The following DDX56 variants were observed in gnomAD, a reference collection of about 807,000 sequenced individuals.
DDX56 encodes probable ATP-dependent RNA helicase DDX56.
Under a neutral mutation model 61.5 loss-of-function variants are expected in DDX56, and 45 were observed. The observed-to-expected ratio is 0.73, with a 90% CI of 0.58 to 0.94. The LOEUF is 0.94. DDX56 is among the 40% of genes least tolerant of loss of function. The pLI is 0.00. For synonymous variants in DDX56, 273 were observed against 268.3 expected (o/e 1.02, Z -0.17); for missense variants, 708 against 690.7 (o/e 1.02, Z -0.28).
chr7:44,566,416 C>T, intron 13 of DDX56, 32 bp downstream of exon 13: 1 of 1,524,024 alleles, frequency 6.6e-7, no homozygotes, highest in Non-Finnish European at 8.9e-7. Context: ...GGGAGGAGTC[C>T]TGGGGCTGTC....
Position 44,570,836 on chromosome 7 carries a change from C to G in DDX56, c.932G>C (p.Cys311Ser), listed in dbSNP as rs1203702318. 1 of 1,613,952 alleles carries G rather than the reference C, an allele frequency of 6.2e-7. No individual in the cohort carries two copies. The highest frequency in any genetic ancestry group is 1.3e-5 in the African/African-American group (1 of 74,946). ...GACTTCAGCATCAGTTGCTATGACA[C>G]AGTCGTAGAAGCCTTGGTTGAACTG... ...ISQFNQGFYD[C>S]VIATDAEVLG... The change falls in exon 7 of 14, where the codon TGT becomes TCT. Residue 311 changes from cysteine (C) to serine (S), a missense_variant. By Grantham distance (112) the Cys-to-Ser change is moderately radical (BLOSUM62 -1). Coordinates refer to ENST00000258772, the MANE Select transcript of DDX56 (RefSeq NM_019082.4).
chr7:44,569,194 C>T lies in DDX56; in HGVS notation c.1229G>A (p.Gly410Asp). ...IEELLSGENRGPILLPYQFRM... is the reference protein window; with the variant it reads ...IEELLSGENRDPILLPYQFRM... ...GAACTGGTAGGGGAGCAGAATGGGG[C>T]CCCTGTTCTCTGTGGAGAAGAAAGC... Residue 410 changes from glycine (G) to aspartate (D), a missense_variant, in exon 10 of 14, where the codon GGC becomes GAC. Transcript: ENST00000258772. 2.5e-6 allele frequency: 4 copies of T among 1,613,852 alleles called. No homozygotes were observed. Among genetic ancestry groups the T allele is most frequent in the South Asian group, 1.1e-5 (1 of 91,074 alleles).
At chr7:44,567,984 G>A (rs376827494) in intron 12 of DDX56, 134 bp downstream of exon 12, 21 of 724,134 alleles carry the variant, frequency 2.9e-5, no homozygotes, top group Admixed American at 1.6e-4. Context: ...TTACATGCCC[G>A]CGTGCTGCCA....
chr7:44,566,784 G>T (rs910385141), intron 12 of DDX56, among the ~76,000 whole-genome samples: 7 of 152,104 alleles, frequency 4.6e-5, no homozygotes, highest in African/African-American at 1.7e-4. Flanking sequence ...CTTAAAGAAA[G>T]AAAATGCAGC....
Position 44,573,655 on chromosome 7 carries a change from C to T in DDX56, c.150G>A (p.Arg50=). ...LALEGKDLLA[R]ARTGSGKTAA... ...CCGTCTTCCCGGAGCCCGTGCGGGC[C>T]CGAGCCAGGAGGTCCTTCCCTTCTA... The change falls in exon 2 of 14, where the codon CGG becomes CGA. Residue 50 remains arginine, a synonymous_variant. Coordinates refer to ENST00000258772, the MANE Select transcript of DDX56 (RefSeq NM_019082.4). 6.2e-7 allele frequency: 1 copy of T among 1,613,772 alleles called. No homozygotes were observed. The highest frequency in any genetic ancestry group is 8.5e-7 in the Non-Finnish European group (1 of 1,180,036).
chr7:44,572,705 G>T lies in DDX56; in HGVS notation c.423C>A (p.Thr141=). The stretch of plus-strand genomic sequence containing the variant: ...GCAAGTGGCTTAATATGCGAGATGG[G>T]GTCCCTACTACCACATCTGGCTTCT... The part of the protein sequence containing the change: ...LMEKPDVVVG[T]PSRILSHLQQ... The change falls in exon 4 of 14, where the codon ACC becomes ACA. Residue 141 remains threonine (T), a synonymous_variant. Transcript: ENST00000258772. 6.2e-7 allele frequency: 1 copy of T among 1,614,160 alleles called. No individual in the cohort carries two copies. The highest frequency in any genetic ancestry group is 8.5e-7 in the Non-Finnish European group (1 of 1,180,020).
chr7:44,567,969 C>A, intron 12 of DDX56, 149 bp downstream of exon 12: 2 of 682,548 alleles, frequency 2.9e-6, no homozygotes, highest in Non-Finnish European at 5.3e-6. Context: ...CAGGGGTGTG[C>A]CTGTTTACAT....
rs565905541 is a variant in DDX56 at position 44,565,937 on chromosome 7, C to T, written c.*65G>A. The T allele has an allele frequency of 7.7e-7, 1 of 1,292,166 alleles. No homozygotes were observed. The highest frequency in any genetic ancestry group is 1.4e-5 in the African/African-American group (1 of 69,018). 80.0% of individuals were successfully genotyped at this position (1,292,166 alleles called of 1,614,324 possible). ...CTGTGCAGTAAGCACCAGAGCCTCG[C>T]CTGTCCACGAAGGGTGTAAGCCTGT... On this transcript the variant is annotated 3_prime_UTR_variant, in exon 14 of 14. Transcript: ENST00000258772.
Position 44,565,985 on chromosome 7 carries a change from A to G in DDX56, c.*17T>C, listed in dbSNP as rs747518370. 6.3e-7 allele frequency: 1 copy of G among 1,598,086 alleles called. No homozygotes were observed. Among genetic ancestry groups the G allele is most frequent in the East Asian group, 2.2e-5 (1 of 44,788 alleles). ...TGTGCTCCACAATGTGCTCAGCTCC[A>G]GAGAGGCCCAACAACCTCAGGAGGG... On this transcript the variant is annotated 3_prime_UTR_variant, in exon 14 of 14. Coordinates refer to ENST00000258772, the MANE Select transcript of DDX56 (RefSeq NM_019082.4).
intron 12 of DDX56, among the ~76,000 whole-genome samples, chr7:44,567,370 C>A (rs1180350908): frequency 6.6e-6 from 1 of 152,208 alleles, no homozygotes; most frequent in African/African-American, 2.4e-5. Context: ...AAGGGTCCTG[C>A]ACTTGCTGCC....
chr7:44,573,512 CA>C, intron 2 of DDX56, 70 bp downstream of exon 2: 1 of 1,570,164 alleles, frequency 6.4e-7, no homozygotes. Context: ...AAACCTCAGA[CA>C]AACGGGAACC....
At position 44,569,142 on chromosome 7, in the gene DDX56, G is replaced by A; in HGVS notation, c.1281C>T (p.Arg427=). 6.2e-7 allele frequency: 1 copy of A among 1,614,144 alleles called. No homozygotes were observed. Among genetic ancestry groups the A allele is most frequent in the South Asian group, 1.1e-5 (1 of 91,086 alleles). The change falls in exon 10 of 14, where the codon CGC becomes CGT. Residue 427 remains arginine, a synonymous_variant. Coordinates refer to ENST00000258772, the MANE Select transcript of DDX56 (RefSeq NM_019082.4). The part of the protein sequence containing the change: ...QFRMEEIEGF[R]YRCRDAMRSV... Reference sequence around the variant, plus strand: ...CACAGCAGCTCACCCTGCAGCGATAGCGGAAGCCCTCGATCTCCTCCATCC... The same window carrying A: ...CACAGCAGCTCACCCTGCAGCGATAACGGAAGCCCTCGATCTCCTCCATCC...
chr7:44,568,019 G>T, intron 12 of DDX56, 99 bp downstream of exon 12: 2 of 941,930 alleles, frequency 2.1e-6, no homozygotes, highest in Non-Finnish European at 1.7e-6. Flanking sequence ...TATTCTGCCT[G>T]AGCATCCCCA....
chr7:44,569,011 G>A lies in DDX56; in HGVS notation c.1294-19C>T. ...TGGCATCCTGGGGGTGGACACTGAA[G>A]GTCAAGACAGTGAGGCTGCCCCAAA... On this transcript the variant is annotated intron_variant, in intron 10 of 13. Transcript: ENST00000258772. 1 of 1,613,610 alleles carries A rather than the reference G, an allele frequency of 6.2e-7. No homozygotes were observed. Among genetic ancestry groups the A allele is most frequent in the Non-Finnish European group, 8.5e-7 (1 of 1,179,712 alleles).
At chr7:44,571,874 C>T in intron 5 of DDX56, 138 bp from the exon 6 acceptor site, 7 of 1,161,646 alleles carry the variant, frequency 6.0e-6, no homozygotes, top group South Asian at 1.5e-5. Flanking sequence ...TAACTCTCCT[C>T]CAGTTTTGTA....
Position 44,565,956 on chromosome 7 carries a change from A to T in DDX56, c.*46T>A, listed in dbSNP as rs1489887596. On this transcript the variant is annotated 3_prime_UTR_variant, in exon 14 of 14. Transcript: ENST00000258772. ...GCCTCGCCTGTCCACGAAGGGTGTA[A>T]GCCTGTGCTCCACAATGTGCTCAGC... 1 of 1,448,196 alleles carries T rather than the reference A, an allele frequency of 6.9e-7. No homozygotes were observed. Among genetic ancestry groups the T allele is most frequent in the South Asian group, 1.2e-5 (1 of 85,464 alleles). The allele number at this position is 1,448,196 out of a possible 1,614,324, so 89.7% of individuals were successfully genotyped here. A position where few individuals can be genotyped will look rare whatever the true frequency, so the allele number is the denominator to read the frequency against.
chr7:44,573,746 T>G lies in DDX56; in HGVS notation c.61-2A>C, dbSNP rs62459151. Reference sequence around the variant, plus strand: ...CGACCAGCCCAGATCGGTGACAGCCTAGGAGACCAGGAGTGCGGTTTAAGC... The same window carrying G: ...CGACCAGCCCAGATCGGTGACAGCCGAGGAGACCAGGAGTGCGGTTTAAGC... On this transcript the variant is annotated splice_acceptor_variant, in intron 1 of 13. Transcript: ENST00000258772. LOFTEE classifies it high-confidence loss of function. 223 of 1,613,354 alleles carry G rather than the reference T, an allele frequency of 1.4e-4. No homozygotes were observed. Among genetic ancestry groups the G allele is most frequent in the Non-Finnish European group, 1.8e-4 (208 of 1,179,958 alleles).
chr7:44,572,310 T>C (rs1472373613), intron 5 of DDX56, 37 bp downstream of exon 5: 3 of 1,557,748 alleles, frequency 1.9e-6, no homozygotes, highest in African/African-American at 2.7e-5. Flanking sequence ...AGTGCCCCCA[T>C]GTCTGCAGCT....
intron 13 of DDX56, 50 bp from the exon 14 acceptor site, chr7:44,566,129 A>G: frequency 8.0e-7 from 1 of 1,248,788 alleles, no homozygotes; most frequent in South Asian, 1.4e-5. Flanking sequence ...CCGACAGACA[A>G]TCCACCCACC....
Sources: allele counts gnomAD v4.1 joint callset (sites outside exome capture counted in the v4.1 genomes callset), GRCh38; gene constraint gnomAD v4.1.1; transcripts MANE v1.5; gene names NCBI Gene and HGNC (gene_info 2026-07-23, HGNC 2026-07-21).